BRD4: variants seen among roughly 807,000 people sequenced by gnomAD.
BRD4 encodes bromodomain-containing protein 4.
BRD4 carries 16 observed loss-of-function variants against 142.1 expected under a neutral mutation model. The ratio of observed to expected loss-of-function variants is 0.11; its 90% CI spans 0.08 to 0.17. The LOEUF is 0.17. Among genes scored for constraint, BRD4 ranks in the 10% least tolerant of loss-of-function variants. BRD4 has a pLI of 1.00. For synonymous variants in BRD4, 833 were observed against 707.5 expected, an observed-to-expected ratio of 1.18 and a Z score of -2.82; for missense variants, 1,424 against 1,810.9, an observed-to-expected ratio of 0.79 and a Z score of 3.88.
At chr19:15,302,741 C>G (rs893602264) in intron 1 of BRD4, among the ~76,000 whole-genome samples, 2 of 148,438 alleles carry the variant, frequency 1.3e-5, no homozygotes, top group African/African-American at 5.0e-5. Flanking sequence ...CGCAGTGGTT[C>G]ACGCCTGTAA....
chr19:15,238,688 G>A lies in BRD4; in HGVS notation c.4020+55C>T, dbSNP rs2047213012. ...TCCAGGCTCCAGTCCCCCTTTCCCA[G>A]CTCCCTCAGGAGCTAATCCTTAGAC... On this transcript the variant is annotated intron_variant, in intron 19 of 19. Coordinates refer to ENST00000679869, the MANE Select transcript of BRD4 (RefSeq NM_001379291.1). The surrounding 1 kb of genome is among the most constrained non-coding windows in gnomAD (Gnocchi z 7.2). 1.7e-5 allele frequency: 25 copies of A among 1,460,350 alleles called. No homozygotes were observed. The highest frequency in any genetic ancestry group is 2.2e-5 in the Non-Finnish European group (24 of 1,105,390). 90.5% of individuals were successfully genotyped at this position (1,460,350 alleles called of 1,614,324 possible).
chr19:15,254,093 T>C, intron 11 of BRD4, 59 bp downstream of exon 11: 1 of 1,431,352 alleles, frequency 7.0e-7, no homozygotes, highest in South Asian at 1.2e-5. Flanking sequence ...AGGACCGAGC[T>C]AGTGCCAGGC....
At chr19:15,273,269 AC>A in intron 1 of BRD4, 136 bp from the exon 2 acceptor site, 2 of 801,094 alleles carry the variant, frequency 2.5e-6, no homozygotes, top group South Asian at 2.0e-5. Flanking sequence ...CAGAGGGACC[AC>A]CCCATGCTTT....
intron 1 of BRD4, among the ~76,000 whole-genome samples, chr19:15,322,408 G>T (rs890416516): frequency 2.0e-5 from 3 of 151,940 alleles, no homozygotes; most frequent in Admixed American, 6.6e-5. Context: ...CATGACCCAT[G>T]GTTTTAAAAA....
intron 1 of BRD4, among the ~76,000 whole-genome samples, chr19:15,310,359 C>T (rs1461832790): frequency 0.17 from 104 of 626 alleles, no homozygotes; most frequent in Non-Finnish European, 0.28. Context: ...TTTTTGGATT[C>T]CCCCCCCCCC....
At chr19:15,253,545 G>C (rs745437808) in intron 11 of BRD4, 1 of 1,550,062 alleles carries the variant, frequency 6.5e-7, no homozygotes, top group East Asian at 2.4e-5. Context: ...TGCGTGTGGA[G>C]TTAGGGCAGA....
chr19:15,278,902 C>T (rs1238812549), intron 1 of BRD4, among the ~76,000 whole-genome samples: 2 of 152,008 alleles, frequency 1.3e-5, no homozygotes, highest in South Asian at 2.1e-4. Context: ...AGTGCAATAG[C>T]GTGATCTCGA....
intron 13 of BRD4, among the ~76,000 whole-genome samples, 153 bp downstream of exon 13, chr19:15,244,078 C>T (rs1355029399): frequency 1.3e-5 from 2 of 152,230 alleles, no homozygotes; most frequent in African/African-American, 4.8e-5. Flanking sequence ...TCTCCTTTAA[C>T]TTCCAAGATG....
chr19:15,267,253 T>A (rs2047543371), intron 4 of BRD4, among the ~76,000 whole-genome samples, 163 bp downstream of exon 4: 2 of 152,146 alleles, frequency 1.3e-5, no homozygotes, highest in Admixed American at 6.5e-5. Flanking sequence ...CATGACCCTA[T>A]GGGATGGATC....
intron 1 of BRD4, among the ~76,000 whole-genome samples, chr19:15,331,651 G>A (rs952691885): frequency 1.2e-4 from 18 of 152,114 alleles, no homozygotes; most frequent in Non-Finnish European, 1.5e-4. Flanking sequence ...CAGCACTCCG[G>A]GGACCGCCGG....
At chr19:15,267,154 G>T in intron 4 of BRD4, among the ~76,000 whole-genome samples, 1 of 152,196 alleles carries the variant, frequency 6.6e-6, no homozygotes, top group East Asian at 1.9e-4. Context: ...GCTTTGAGAA[G>T]TTACACTTTC....
intron 1 of BRD4, among the ~76,000 whole-genome samples, chr19:15,312,260 G>A (rs193189044): frequency 2.6e-5 from 4 of 152,186 alleles, no homozygotes; most frequent in South Asian, 2.1e-4. Context: ...CAGTTTGAGC[G>A]GCCAAGACAG....
intron 7 of BRD4, among the ~76,000 whole-genome samples, chr19:15,261,300 T>G (rs1371122765): frequency 6.6e-6 from 1 of 151,890 alleles, no homozygotes; most frequent in East Asian, 1.9e-4. Context: ...GCCTGACCAA[T>G]CGGCAAAACC....
At chr19:15,255,684 G>A in intron 9 of BRD4, 92 bp from the exon 10 acceptor site, 1 of 1,431,874 alleles carries the variant, frequency 7.0e-7, no homozygotes, top group Non-Finnish European at 9.4e-7. Context: ...GGGAAGGGGT[G>A]CCCTTCCCAT....
At chr19:15,250,170 A>G (rs1179968697) in intron 11 of BRD4, among the ~76,000 whole-genome samples, 1 of 152,108 alleles carries the variant, frequency 6.6e-6, no homozygotes, top group East Asian at 1.9e-4. Context: ...CACATTCCAC[A>G]AGGCTCGCCC....
chr19:15,238,068 GA>G lies in BRD4; in HGVS notation c.*308del, dbSNP rs1173694632. ...ATACTGTGTAGACATTTGGCGGAGA[GA>G]AGGGCCTCTGCCCCGCATGTGGGGA... On this transcript the variant is annotated 3_prime_UTR_variant, in exon 20 of 20. Coordinates refer to ENST00000679869, the MANE Select transcript of BRD4 (RefSeq NM_001379291.1). This position sits in a 1 kb window ranked among gnomAD's most constrained non-coding sequence, Gnocchi z 7.2. 2.3e-6 allele frequency: 1 copy of G among 426,422 alleles called. No homozygotes were observed. The highest frequency in any genetic ancestry group is 4.3e-6 in the Non-Finnish European group (1 of 233,182). The allele number at this position is 426,422 out of a possible 1,614,324, so 26.4% of individuals were successfully genotyped here.
chr19:15,293,997 C>T (rs898352653), intron 1 of BRD4, among the ~76,000 whole-genome samples: 1 of 152,182 alleles, frequency 6.6e-6, no homozygotes, highest in African/African-American at 2.4e-5. Flanking sequence ...TGGTCTTCAC[C>T]GTTTCCTGGC....
In BRD4 at chr19:15,255,526, C is replaced by T; in HGVS notation, c.1818G>A (p.Lys606=). 3 of 1,614,060 alleles carry T rather than the reference C, an allele frequency of 1.9e-6. No individual in the cohort carries two copies. Among genetic ancestry groups the T allele is most frequent in the Non-Finnish European group, 2.5e-6 (3 of 1,179,902 alleles). The change falls in exon 10 of 20, where the codon AAG becomes AAA. Residue 606 remains lysine (K), a synonymous_variant. Coordinates refer to ENST00000679869, the MANE Select transcript of BRD4 (RefSeq NM_001379291.1). ...TCTCCTCATAGGACATAGGCTTGCA[C>T]TTGTCCTCTTCCTCCGACTCATACG... ...PPTYESEEED[K]CKPMSYEEKR...
intron 1 of BRD4, among the ~76,000 whole-genome samples, chr19:15,304,373 G>A (rs940673010): frequency 6.6e-6 from 1 of 152,184 alleles, no homozygotes; most frequent in African/African-American, 2.4e-5. Flanking sequence ...GCTGTGCCTG[G>A]AATCAGCCTT....
Sources: gnomAD v4.1 joint callset for allele counts (sites outside exome capture counted in the v4.1 genomes callset) on GRCh38, gnomAD v4.1.1 for gene constraint, Gnocchi (gnomAD v3.1) non-coding constraint, MANE v1.5 for transcripts, NCBI Gene and HGNC (gene_info 2026-07-23, HGNC 2026-07-21) for gene names.